SLC7A1: variants seen among roughly 807,000 people sequenced by gnomAD.
The protein encoded by SLC7A1 is solute carrier family 7 member 1, also known as high affinity cationic amino acid transporter 1.
In SLC7A1, 10 loss-of-function variants were observed where a neutral mutation model predicts 53.9. The ratio of observed to expected loss-of-function variants is 0.19; its 90% confidence interval spans 0.11 to 0.31. The LOEUF (loss-of-function observed/expected upper bound fraction) is 0.31, where lower values mean the gene tolerates loss of function less well. Among genes scored for constraint, SLC7A1 ranks in the 10% least tolerant of loss-of-function variants. SLC7A1 has a pLI of 1.00. For missense variants in SLC7A1, 525 were observed against 827.2 expected (o/e 0.63, Z 4.48); for synonymous variants, 342 against 338.7 (o/e 1.01, Z -0.11).
chr13:29,531,271 A>C (rs1036264032), intron 4 of SLC7A1, among the ~76,000 whole-genome samples: 5 of 152,204 alleles, frequency 3.3e-5, no homozygotes, highest in Non-Finnish European at 7.4e-5. Flanking sequence ...CTCAGTGCAT[A>C]TAAAATAACA....
chr13:29,590,198 C>T (rs886339512), intron 1 of SLC7A1, among the ~76,000 whole-genome samples: 1 of 152,184 alleles, frequency 6.6e-6, no homozygotes, highest in African/African-American at 2.4e-5. Context: ...TGTATGGAGA[C>T]ATCCTATCCT....
rs1207589454 is a variant in SLC7A1 at position 29,512,514 on chromosome 13, G to A, written c.*1966C>T. On this transcript the variant is annotated 3_prime_UTR_variant, in exon 13 of 13. Coordinates refer to ENST00000380752, the MANE Select transcript of SLC7A1 (RefSeq NM_003045.5). ...TCTCTCCCACCACTTCACTTTTCTT[G>A]GAGACTGTCTATCCCTCGAATTCTC... 1.3e-5 allele frequency: 2 copies of A among 152,132 alleles called. No homozygotes were observed. Among genetic ancestry groups the A allele is most frequent in the African/African-American group, 4.8e-5 (2 of 41,422 alleles). 9.4% of individuals were successfully genotyped at this position (152,132 alleles called of 1,614,324 possible). A position where few individuals can be genotyped will look rare whatever the true frequency, so the allele number is the denominator to read the frequency against.
intron 1 of SLC7A1, among the ~76,000 whole-genome samples, chr13:29,576,431 GA>G (rs1871418340): frequency 6.6e-6 from 1 of 152,288 alleles, no homozygotes; most frequent in East Asian, 1.9e-4. Flanking sequence ...ACATGGTGTT[GA>G]AATTGGGAAT....
intron 1 of SLC7A1, among the ~76,000 whole-genome samples, chr13:29,593,840 G>C (rs1872202603): frequency 6.6e-6 from 1 of 152,054 alleles, no homozygotes; most frequent in South Asian, 2.1e-4. Context: ...AGACAAGGGA[G>C]TACATTTCTG....
At chr13:29,517,450 T>C (rs1593538614) in intron 10 of SLC7A1, 123 bp downstream of exon 10, 5 of 1,214,044 alleles carry the variant, frequency 4.1e-6, no homozygotes, top group Non-Finnish European at 6.0e-6. Context: ...AGAGTAACTA[T>C]GTCCCAGTCC....
chr13:29,528,718 C>A (rs1044770294), intron 5 of SLC7A1, among the ~76,000 whole-genome samples: 1 of 152,224 alleles, frequency 6.6e-6, no homozygotes, highest in Non-Finnish European at 1.5e-5. Flanking sequence ...CCTAACATGG[C>A]CGATCCCCTG....
chr13:29,552,631 G>A (rs1267217649), intron 2 of SLC7A1, among the ~76,000 whole-genome samples: 4 of 152,218 alleles, frequency 2.6e-5, no homozygotes, highest in African/African-American at 9.6e-5. Context: ...ACATTATCAA[G>A]ACCGATCTGT....
intron 5 of SLC7A1, among the ~76,000 whole-genome samples, chr13:29,526,034 G>A (rs950778973): frequency 8.5e-5 from 13 of 152,240 alleles, no homozygotes; most frequent in East Asian, 5.8e-4. Flanking sequence ...TGGCTCAAGA[G>A]GGGGAGGATG....
chr13:29,590,537 C>G (rs1315958090), intron 1 of SLC7A1, among the ~76,000 whole-genome samples: 2 of 152,176 alleles, frequency 1.3e-5, no homozygotes, highest in Non-Finnish European at 2.9e-5. Flanking sequence ...GCACCCCATG[C>G]TCAGGGAGAC....
intron 1 of SLC7A1, among the ~76,000 whole-genome samples, chr13:29,569,777 A>G (rs1355821798): frequency 1.3e-5 from 2 of 152,030 alleles, no homozygotes; most frequent in Non-Finnish European, 2.9e-5. Context: ...ATACCTAGAA[A>G]AGCAACCATC....
chr13:29,561,490 G>A (rs1225328865), intron 1 of SLC7A1, among the ~76,000 whole-genome samples: 1 of 152,204 alleles, frequency 6.6e-6, no homozygotes, highest in Non-Finnish European at 1.5e-5. Context: ...TATGTCGGGG[G>A]TGTCAGAGTG....
Position 29,560,171 on chromosome 13 carries a change from A to G in SLC7A1, c.-114-6311T>C, listed in dbSNP as rs367769391. On this transcript the variant is annotated intron_variant, in intron 1 of 12. Coordinates refer to ENST00000380752, the MANE Select transcript of SLC7A1 (RefSeq NM_003045.5). The stretch of plus-strand genomic sequence containing the variant: ...TACTTTTTCAACTTTTTTCTTAAAA[A>G]CCAAGATGCAGACAAACACATTAGC... 8.8e-4 allele frequency among the ~76,000 whole-genome samples: 134 copies of G among 152,108 alleles called. 1 individual carries two copies. The highest frequency in any genetic ancestry group is 3.0e-3 in the African/African-American group (126 of 41,492).
At chr13:29,555,215 G>C (rs948046704) in intron 1 of SLC7A1, among the ~76,000 whole-genome samples, 3 of 148,234 alleles carry the variant, frequency 2.0e-5, no homozygotes, top group Admixed American at 6.7e-5. Flanking sequence ...AAAATTAGCC[G>C]GGCGTAGTGG....
intron 2 of SLC7A1, among the ~76,000 whole-genome samples, chr13:29,548,943 T>A (rs1211213722): frequency 1.3e-5 from 2 of 152,116 alleles, no homozygotes; most frequent in Non-Finnish European, 2.9e-5. Flanking sequence ...ACAACCACAC[T>A]TTTTCACTGG....
intron 11 of SLC7A1, among the ~76,000 whole-genome samples, 186 bp from the exon 12 acceptor site, chr13:29,516,432 C>T (rs963738948): frequency 6.6e-6 from 1 of 152,238 alleles, no homozygotes; most frequent in African/African-American, 2.4e-5. Context: ...AACACACACA[C>T]AAACACACCC....
intron 5 of SLC7A1, among the ~76,000 whole-genome samples, chr13:29,529,524 A>G (rs1313360910): frequency 3.9e-5 from 6 of 152,180 alleles, no homozygotes; most frequent in Non-Finnish European, 8.8e-5. Flanking sequence ...CTTCTGGAAG[A>G]GCTGGGTCAT....
chr13:29,531,009 A>T (rs1025878401), intron 4 of SLC7A1, among the ~76,000 whole-genome samples: 1 of 152,180 alleles, frequency 6.6e-6, no homozygotes, highest in Admixed American at 6.5e-5. Context: ...GATCTGGAGC[A>T]TGAGCCCCTC....
chr13:29,577,723 G>A (rs971500377), intron 1 of SLC7A1, among the ~76,000 whole-genome samples: 5 of 152,218 alleles, frequency 3.3e-5, no homozygotes, highest in African/African-American at 1.2e-4. Context: ...AAGATCACAA[G>A]AAATAATATC....
chr13:29,574,167 T>G (rs1018652426), intron 1 of SLC7A1, among the ~76,000 whole-genome samples: 8 of 152,302 alleles, frequency 5.3e-5, no homozygotes, highest in African/African-American at 1.4e-4. Context: ...TTTAGTAGAA[T>G]AGTAGGAGCT....
Sources: gnomAD v4.1 joint callset for allele counts (sites outside exome capture counted in the v4.1 genomes callset) on GRCh38, gnomAD v4.1.1 for gene constraint, MANE v1.5 for transcripts, NCBI Gene and HGNC (gene_info 2026-07-23, HGNC 2026-07-21) for gene names.